ADAM22: variants seen among roughly 807,000 people sequenced by gnomAD.
The protein encoded by ADAM22 is disintegrin and metalloproteinase domain-containing protein 22.
In ADAM22, 65 loss-of-function variants were observed where a neutral mutation model predicts 144.6. The observed-to-expected ratio is 0.45, with a 90% CI of 0.37 to 0.55. The LOEUF (loss-of-function observed/expected upper bound fraction) is 0.55. ADAM22 is among the 20% of genes least tolerant of loss of function. ADAM22 has a pLI of 0.00. For missense variants in ADAM22, 974 were observed against 1,184.9 expected (o/e 0.82, Z 2.61); for synonymous variants, 391 against 412.6 (o/e 0.95, Z 0.63).
chr7:88,164,623 G>A lies in ADAM22; in HGVS notation c.2077-1209G>A, dbSNP rs527403693. Among the ~76,000 whole-genome samples the A allele has an allele frequency of 2.6e-4, 40 of 151,888 alleles. 1 individual carries two copies. Among genetic ancestry groups the A allele is most frequent in the African/African-American group, 8.7e-4 (36 of 41,358 alleles). On this transcript the variant is annotated intron_variant, in intron 23 of 31. Coordinates refer to ENST00000413139, the MANE Select transcript of ADAM22 (RefSeq NM_001324418.2). ...TGGGTAACATTGGGCAAATTTCTTC[G>A]CCTTTGTGACTCAATTTCTTCCTCT...
intron 3 of ADAM22, among the ~76,000 whole-genome samples, chr7:88,066,773 A>G (rs180818219): frequency 2.2e-3 from 338 of 152,260 alleles, no homozygotes; most frequent in African/African-American, 7.7e-3. Context: ...GAGAAAAACC[A>G]GGACTGTGTG....
At chr7:88,073,377 C>G (rs1014980248) in intron 3 of ADAM22, among the ~76,000 whole-genome samples, 1 of 152,120 alleles carries the variant, frequency 6.6e-6, no homozygotes. Context: ...AAGAGAGCCC[C>G]GGCTACCATG....
At chr7:88,130,629 G>C (rs1831526159) in intron 10 of ADAM22, among the ~76,000 whole-genome samples, 170 bp downstream of exon 10, 1 of 152,078 alleles carries the variant, frequency 6.6e-6, no homozygotes. Context: ...TTGATGTCTG[G>C]CTGGGAAGAG....
chr7:88,182,063 T>C (rs1243692769), intron 29 of ADAM22, 39 bp downstream of exon 29: 1 of 1,557,692 alleles, frequency 6.4e-7, no homozygotes, highest in South Asian at 1.1e-5. Context: ...CACTCCAAGG[T>C]CCTGTGCAAA....
At chr7:87,979,731 C>T (rs1852842130) in intron 3 of ADAM22, among the ~76,000 whole-genome samples, 1 of 151,992 alleles carries the variant, frequency 6.6e-6, no homozygotes, top group South Asian at 2.1e-4. Context: ...CATATTGACT[C>T]AGAAACCAGA....
chr7:87,975,580 A>G (rs1851719532), intron 2 of ADAM22, among the ~76,000 whole-genome samples: 2 of 152,220 alleles, frequency 1.3e-5, no homozygotes, highest in Non-Finnish European at 2.9e-5. Context: ...ATTTAAGTAC[A>G]TGAGTTTCTC....
At chr7:88,012,492 G>A (rs1055737585) in intron 3 of ADAM22, among the ~76,000 whole-genome samples, 6 of 152,192 alleles carry the variant, frequency 3.9e-5, no homozygotes, top group African/African-American at 1.4e-4. Context: ...AATCTGGCTA[G>A]TTGTGCAGTT....
At chr7:88,039,621 GTGTGTGTC>G (rs1216990820) in intron 3 of ADAM22, among the ~76,000 whole-genome samples, 4 of 150,184 alleles carry the variant, frequency 2.7e-5, no homozygotes, top group Middle Eastern at 3.5e-3. Flanking sequence ...ATGTGTGTGT[GTGTGTGTC>G]TGTGTGTCTG....
chr7:88,114,768 C>G, intron 6 of ADAM22, 121 bp downstream of exon 6: 1 of 847,316 alleles, frequency 1.2e-6, no homozygotes, highest in Non-Finnish European at 1.8e-6. Flanking sequence ...AGATAGTAAA[C>G]ATATGTACAG....
chr7:88,150,107 A>G (rs150844257), intron 18 of ADAM22, among the ~76,000 whole-genome samples: 168 of 152,278 alleles, frequency 1.1e-3, no homozygotes, highest in African/African-American at 3.9e-3. Flanking sequence ...CACCTTATTC[A>G]CCGATGTCAT....
chr7:88,189,412 T>C (rs1849082911), intron 30 of ADAM22, among the ~76,000 whole-genome samples: 2 of 152,212 alleles, frequency 1.3e-5, no homozygotes, highest in Non-Finnish European at 2.9e-5. Context: ...ATGTATCCAG[T>C]GCCTATGATA....
chr7:87,976,031 T>C (rs1480984863), intron 2 of ADAM22, among the ~76,000 whole-genome samples: 1 of 151,836 alleles, frequency 6.6e-6, no homozygotes, highest in South Asian at 2.1e-4. Context: ...AGTTAACTTA[T>C]AGCTGTTCAG....
chr7:87,958,211 A>C (rs1447629790), intron 2 of ADAM22, among the ~76,000 whole-genome samples: 1 of 152,150 alleles, frequency 6.6e-6, no homozygotes, highest in East Asian at 1.9e-4. Context: ...TATATTTGGA[A>C]GTGAAATTGT....
At chr7:88,001,297 A>G (rs543153802) in intron 3 of ADAM22, among the ~76,000 whole-genome samples, 2 of 152,242 alleles carry the variant, frequency 1.3e-5, no homozygotes, top group Non-Finnish European at 2.9e-5. Context: ...TATGTACCTT[A>G]CAAACATAAC....
At chr7:88,170,619 G>A (rs980313620) in intron 25 of ADAM22, among the ~76,000 whole-genome samples, 6 of 151,868 alleles carry the variant, frequency 4.0e-5, no homozygotes, top group South Asian at 2.1e-4. Context: ...CACCTTTGCC[G>A]TCATGTGCCC....
chr7:87,982,852 C>G (rs1213330391), intron 3 of ADAM22, among the ~76,000 whole-genome samples: 5 of 150,454 alleles, frequency 3.3e-5, no homozygotes, highest in Admixed American at 3.3e-4. Context: ...CCACAACACC[C>G]GGCTAATTTT....
rs569086872 is a variant in ADAM22, at chr7:88,066,351, AATGATCACTCT to A, written c.324-9269_324-9259del. Among the ~76,000 whole-genome samples the A allele has an allele frequency of 1.3e-3, 203 of 152,232 alleles. 1 individual carries two copies. The highest frequency in any genetic ancestry group is 2.6e-3 in the Non-Finnish European group (175 of 67,998). On this transcript the variant is annotated intron_variant, in intron 3 of 31. Coordinates refer to ENST00000413139, the MANE Select transcript of ADAM22 (RefSeq NM_001324418.2). ...GATTTGTAAGAGAGATTAAAGAGTC[AATGATCACTCT>A]ATGATTTTTGGCCAGGGTAACTGGA...
Position 88,201,920 on chromosome 7 carries a change from CTTATT to C in ADAM22, c.*5434_*5438del, listed in dbSNP as rs1851231379. 2 of 152,112 alleles carry C rather than the reference CTTATT, an allele frequency of 1.3e-5. No homozygotes were observed. The highest frequency in any genetic ancestry group is 2.4e-5 in the African/African-American group (1 of 41,424). 9.4% of individuals were successfully genotyped at this position (152,112 alleles called of 1,614,324 possible). On this transcript the variant is annotated 3_prime_UTR_variant, in exon 32 of 32. Transcript: ENST00000413139. ...CTGCATTCACCTTAGGGCTTAGCCT[CTTATT>C]TTATGAATTTTCAGGCTGTGATTTG...
rs1383590564 is a variant in ADAM22 at position 88,052,359 on chromosome 7, A to AG, written c.324-23267_324-23266insG. ...AAAAATGCAAAAAAAAAAAAAAAAA[A>AG]TTAGCCTGGCGTGGTGGCGGGCACC... On this transcript the variant is annotated intron_variant, in intron 3 of 31. Transcript: ENST00000413139. Among the ~76,000 whole-genome samples, 3 of 137,018 alleles carry AG rather than the reference A, an allele frequency of 2.2e-5. No individual in the cohort carries two copies. The Admixed American group carries it at 2.2e-4, about 10-fold the overall frequency. The allele number at this position is 137,018 out of a possible 152,430, so 89.9% of individuals were successfully genotyped here.
Sources: gnomAD v4.1 joint callset for allele counts (sites outside exome capture counted in the v4.1 genomes callset) on GRCh38, gnomAD v4.1.1 for gene constraint, MANE v1.5 for transcripts, NCBI Gene and HGNC (gene_info 2026-07-23, HGNC 2026-07-21) for gene names.